USP34: variants seen among roughly 807,000 people sequenced by gnomAD.
The protein encoded by USP34 is ubiquitin carboxyl-terminal hydrolase 34.
In USP34, 70 loss-of-function variants were observed where a neutral mutation model predicts 460.3. That is an observed-to-expected ratio of 0.15 (90% confidence interval 0.13 to 0.19). The LOEUF (loss-of-function observed/expected upper bound fraction) is 0.19. USP34 is among the 10% of genes least tolerant of loss of function. The pLI, the probability that USP34 is intolerant of heterozygous loss-of-function variation, is 1.00. For synonymous variants in USP34, 1,647 were observed against 1,405.3 expected (o/e 1.17, Z -3.85); for missense variants, 3,985 against 4,236.2 (o/e 0.94, Z 1.65).
intron 20 of USP34, among the ~76,000 whole-genome samples, chr2:61,326,855 C>A (rs904549436): frequency 4.0e-5 from 6 of 149,544 alleles, no homozygotes; most frequent in Admixed American, 2.0e-4. Context: ...GTGATCTCAG[C>A]TCACTGCAAC....
chr2:61,340,014 T>C (rs953600962), intron 16 of USP34, among the ~76,000 whole-genome samples: 2 of 152,158 alleles, frequency 1.3e-5, no homozygotes, highest in African/African-American at 2.4e-5. Context: ...CCATTTAGAT[T>C]TGATAAGGCT....
chr2:61,242,458 T>TACACACACACACACACACACAC (rs67471702), intron 51 of USP34, among the ~76,000 whole-genome samples: 7 of 129,680 alleles, frequency 5.4e-5, no homozygotes, highest in African/African-American at 1.8e-4. Flanking sequence ...AGATAATACA[T>TACACACACACACACACACACAC]ACACACACAC....
chr2:61,408,243 T>C (rs1693938944), intron 2 of USP34, among the ~76,000 whole-genome samples: 1 of 152,112 alleles, frequency 6.6e-6, no homozygotes, highest in African/African-American at 2.4e-5. Flanking sequence ...GGCCAACACC[T>C]TGACTAAAAC....
rs925069616 is a variant in USP34, at chr2:61,226,911, T to G, written c.7595+156A>C. 6 of 932,866 alleles carry G rather than the reference T, an allele frequency of 6.4e-6. No homozygotes were observed. In the African/African-American group the frequency reaches 7.0e-5, roughly 11 times the overall value. 57.8% of individuals were successfully genotyped at this position (932,866 alleles called of 1,614,324 possible). ...CCACAAGAGTTGATGAATAGTAGTA[T>G]TATTTAAAAGGATTTATATAATAAA... On this transcript the variant is annotated intron_variant, in intron 62 of 79. Transcript: ENST00000398571.
intron 2 of USP34, among the ~76,000 whole-genome samples, chr2:61,410,642 C>A (rs1301550806): frequency 1.3e-5 from 2 of 152,162 alleles, no homozygotes; most frequent in East Asian, 3.8e-4. Flanking sequence ...TTCACCAAAA[C>A]CAGCTTGATT....
intron 62 of USP34, among the ~76,000 whole-genome samples, chr2:61,225,562 C>T (rs1285134618): frequency 2.6e-5 from 4 of 151,756 alleles, no homozygotes; most frequent in Admixed American, 2.0e-4. Flanking sequence ...TGTTTTTATT[C>T]CTCTATCCAC....
At chr2:61,358,662 G>A (rs918377262) in intron 10 of USP34, among the ~76,000 whole-genome samples, 1 of 152,078 alleles carries the variant, frequency 6.6e-6, no homozygotes, top group Non-Finnish European at 1.5e-5. Context: ...AAATGAGAAA[G>A]GAAGATGTAA....
At position 61,444,146 on chromosome 2, in the gene USP34, T is replaced by C. The variant is rs141641569; in HGVS notation, c.44-23313A>G. Among the ~76,000 whole-genome samples the C allele has an allele frequency of 1.0e-3, 154 of 152,178 alleles. 1 individual carries two copies. The highest frequency in any genetic ancestry group is 3.7e-3 in the African/African-American group (152 of 41,518). On this transcript the variant is annotated intron_variant, in intron 1 of 79. Coordinates refer to ENST00000398571, the MANE Select transcript of USP34 (RefSeq NM_014709.4). ...CATGCATGCCTGTAGTCCCAGCTAC[T>C]CAGGAGGCTGAGGTGGGAGGATCAC...
chr2:61,441,694 C>A (rs1399789339), intron 1 of USP34, among the ~76,000 whole-genome samples: 2 of 150,986 alleles, frequency 1.3e-5, no homozygotes, highest in African/African-American at 4.9e-5. Flanking sequence ...GTCCCAGATA[C>A]TTGAGAGGGT....
chr2:61,445,374 A>C (rs1695082330), intron 1 of USP34, among the ~76,000 whole-genome samples: 1 of 151,640 alleles, frequency 6.6e-6, no homozygotes, highest in Admixed American at 6.6e-5. Context: ...TCTCTACGAA[A>C]AATACAAAAA....
At chr2:61,420,940 C>A in intron 1 of USP34, 107 bp from the exon 2 acceptor site, 6 of 670,684 alleles carry the variant, frequency 8.9e-6, no homozygotes, top group East Asian at 3.3e-5. Flanking sequence ...TTCAGATAAT[C>A]ATTCTTTTGC....
intron 1 of USP34, among the ~76,000 whole-genome samples, chr2:61,464,533 C>T (rs1695705190): frequency 6.6e-6 from 1 of 152,018 alleles, no homozygotes; most frequent in African/African-American, 2.4e-5. Context: ...TTTTGGACAA[C>T]TTGGTAAACT....
chr2:61,324,799 A>G (rs1418358534), intron 21 of USP34, among the ~76,000 whole-genome samples: 1 of 152,124 alleles, frequency 6.6e-6, no homozygotes, highest in Non-Finnish European at 1.5e-5. Context: ...GTCTTATAGA[A>G]CTAAAAAAAA....
chr2:61,446,657 G>A (rs1298918742), intron 1 of USP34, among the ~76,000 whole-genome samples: 1 of 151,896 alleles, frequency 6.6e-6, no homozygotes, highest in African/African-American at 2.4e-5. Flanking sequence ...TTAGCCAGGT[G>A]TAGTGGTATG....
intron 51 of USP34, among the ~76,000 whole-genome samples, 169 bp downstream of exon 51, chr2:61,245,041 A>C (rs1688383346): frequency 6.6e-6 from 1 of 152,148 alleles, no homozygotes; most frequent in Non-Finnish European, 1.5e-5. Context: ...ATAGCACTTT[A>C]AAAATATTTC....
chr2:61,386,143 C>T (rs1487715222), intron 5 of USP34, among the ~76,000 whole-genome samples: 3 of 152,200 alleles, frequency 2.0e-5, no homozygotes, highest in African/African-American at 7.2e-5. Flanking sequence ...GCCAAAGAGC[C>T]CAAACCCATG....
At chr2:61,370,721 C>A in intron 8 of USP34, 142 bp from the exon 9 acceptor site, 5 of 666,858 alleles carry the variant, frequency 7.5e-6, no homozygotes, top group Non-Finnish European at 1.3e-5. Context: ...TAGAATACTA[C>A]AAAGCATAAC....
At chr2:61,433,146 G>A (rs1336705589) in intron 1 of USP34, among the ~76,000 whole-genome samples, 2 of 152,200 alleles carry the variant, frequency 1.3e-5, no homozygotes, top group Admixed American at 6.5e-5. Flanking sequence ...GTGCAGTTGG[G>A]GAATGGAGAC....
chr2:61,354,767 A>G (rs1043835240), intron 10 of USP34, among the ~76,000 whole-genome samples: 1 of 152,194 alleles, frequency 6.6e-6, no homozygotes, highest in African/African-American at 2.4e-5. Flanking sequence ...GAAAGCCTGG[A>G]GCCTGGGCCC....
Sources: gnomAD v4.1 joint callset for allele counts (sites outside exome capture counted in the v4.1 genomes callset) on GRCh38, gnomAD v4.1.1 for gene constraint, MANE v1.5 for transcripts, NCBI Gene and HGNC (gene_info 2026-07-23, HGNC 2026-07-21) for gene names.